Variants in RIMKLA observed in about 807,000 individuals in gnomAD.
RIMKLA encodes the protein N-acetylaspartylglutamate synthase A.
In RIMKLA, 14 loss-of-function variants were observed where a neutral mutation model predicts 32.7. That is an observed-to-expected ratio of 0.43 (90% CI 0.28 to 0.67). RIMKLA has a LOEUF of 0.67. RIMKLA is among the 30% of genes least tolerant of loss of function. The pLI is 0.18. For missense variants in RIMKLA, 410 were observed against 519.0 expected, an observed-to-expected ratio of 0.79 and a Z score of 2.04; for synonymous variants, 176 against 204.1, an observed-to-expected ratio of 0.86 and a Z score of 1.18.
At chr1:42,404,421 T>C in intron 2 of RIMKLA, 90 bp from the exon 3 acceptor site, 1 of 833,064 alleles carries the variant, frequency 1.2e-6, no homozygotes, top group South Asian at 1.4e-5. Flanking sequence ...AGATGAGGCC[T>C]CACAAGAATT....
intron 4 of RIMKLA, chr1:42,412,754 A>G: frequency 2.8e-6 from 1 of 356,176 alleles, no homozygotes; most frequent in Non-Finnish European, 5.4e-6. Context: ...GGCTTTGGTG[A>G]TGCTCTTGAG....
In RIMKLA at chr1:42,415,712, G is replaced by A. The variant is rs561925359; in HGVS notation, c.*738G>A. 1.3e-5 allele frequency: 2 copies of A among 152,352 alleles called. No homozygotes were observed. The highest frequency in any genetic ancestry group is 3.9e-4 in the East Asian group (2 of 5,188). The allele number at this position is 152,352 out of a possible 1,614,324, so 9.4% of individuals were successfully genotyped here. A position where few individuals can be genotyped will look rare whatever the true frequency, so the allele number is the denominator to read the frequency against. On this transcript the variant is annotated 3_prime_UTR_variant, in exon 5 of 5. Transcript: ENST00000431473. ...TGCACCTTTGCTGCCTTTGGCCTCA[G>A]CTGGAAATGCACTTCAATGAGCTAG...
intron 4 of RIMKLA, among the ~76,000 whole-genome samples, chr1:42,411,457 T>C (rs935668400): frequency 2.4e-4 from 34 of 140,630 alleles, no homozygotes; most frequent in Admixed American, 7.2e-5. Flanking sequence ...ATTTTCTTTT[T>C]TTTTCTTTTC....
chr1:42,404,252 C>G (rs1643125379), intron 2 of RIMKLA, among the ~76,000 whole-genome samples: 1 of 152,180 alleles, frequency 6.6e-6, no homozygotes, highest in African/African-American at 2.4e-5. Context: ...GGAAAGGTAT[C>G]TACCTATATG....
intron 1 of RIMKLA, chr1:42,396,485 G>A (rs958572499): frequency 2.6e-5 from 4 of 152,180 alleles, no homozygotes; most frequent in African/African-American, 9.7e-5. Flanking sequence ...CTTTGGAGAA[G>A]AGAGATGAAG....
At chr1:42,399,688 T>A in intron 2 of RIMKLA, 54 bp downstream of exon 2, 1 of 1,086,630 alleles carries the variant, frequency 9.2e-7, no homozygotes, top group South Asian at 1.4e-5. Flanking sequence ...TTTTCTTTCC[T>A]TAGAAACCTT....
rs1557749905 is a variant in RIMKLA, at chr1:42,385,842, T to TCTC, written c.163+4745_163+4746insCTC. On this transcript the variant is annotated intron_variant, in intron 1 of 4. Coordinates refer to ENST00000431473, the MANE Select transcript of RIMKLA (RefSeq NM_173642.4). The stretch of plus-strand genomic sequence containing the variant: ...TTCCTTCCTTCCTTTCTTTCTTTCT[T>TCTC]TCTCTTTCTTTCTTTCTTTCTTTCT... Among the ~76,000 whole-genome samples the TCTC allele has an allele frequency of 3.5e-3, 223 of 63,604 alleles. 30 individuals carry two copies. The highest frequency in any genetic ancestry group is 0.022 in the Middle Eastern group (2 of 90). 41.7% of individuals were successfully genotyped at this position (63,604 alleles called of 152,430 possible). A position where few individuals can be genotyped will look rare whatever the true frequency, so the allele number is the denominator to read the frequency against.
chr1:42,380,842 C>T lies in RIMKLA; in HGVS notation c.-93C>T, dbSNP rs551219895. ...GAGCGGAGCCGTGGCGCGCTCGCCC[C>T]GGACGCCGGCCGCCCCTCCGCTCGC... On this transcript the variant is annotated 5_prime_UTR_variant, in exon 1 of 5. Transcript: ENST00000431473. The T allele has an allele frequency of 2.1e-5, 17 of 810,178 alleles. No individual in the cohort carries two copies. The South Asian group carries it at 8.7e-4, about 41-fold the overall frequency. The allele number at this position is 810,178 out of a possible 1,614,324, so 50.2% of individuals were successfully genotyped here. A position where few individuals can be genotyped will look rare whatever the true frequency, so the allele number is the denominator to read the frequency against.
At chr1:42,413,056 C>T (rs1024510738) in intron 4 of RIMKLA, among the ~76,000 whole-genome samples, 6 of 151,896 alleles carry the variant, frequency 4.0e-5, no homozygotes, top group Non-Finnish European at 7.4e-5. Flanking sequence ...ATCGCTTGAA[C>T]CCGGGAGGCG....
intron 4 of RIMKLA, among the ~76,000 whole-genome samples, chr1:42,411,642 TTTTTATTATTTA>T (rs1389143823): frequency 1.2e-3 from 171 of 140,956 alleles, no homozygotes; most frequent in African/African-American, 4.5e-3. Flanking sequence ...TGTATTTTTA[TTTTTATTATTTA>T]TTTATTTATT....
chr1:42,384,498 T>C (rs971922365), intron 1 of RIMKLA, among the ~76,000 whole-genome samples: 4 of 149,818 alleles, frequency 2.7e-5, no homozygotes, highest in Non-Finnish European at 4.4e-5. Flanking sequence ...TATATATATA[T>C]ACATGTATAT....
intron 1 of RIMKLA, among the ~76,000 whole-genome samples, chr1:42,398,569 T>C (rs12568160): frequency 0.18 from 27,675 of 152,204 alleles, 2,626 homozygotes; most frequent in East Asian, 0.22. Flanking sequence ...CTGTTCCCAA[T>C]TTGTATCTGT....
At chr1:42,385,075 CTATT>C (rs1394962558) in intron 1 of RIMKLA, among the ~76,000 whole-genome samples, 1 of 152,182 alleles carries the variant, frequency 6.6e-6, no homozygotes, top group Non-Finnish European at 1.5e-5. Flanking sequence ...CTATAATTGT[CTATT>C]TATACAGTTT....
chr1:42,405,305 G>A (rs1643134076), intron 3 of RIMKLA, among the ~76,000 whole-genome samples: 1 of 152,146 alleles, frequency 6.6e-6, no homozygotes, highest in South Asian at 2.1e-4. Flanking sequence ...GCTATACTTT[G>A]TAACAGTTAC....
intron 1 of RIMKLA, among the ~76,000 whole-genome samples, chr1:42,396,960 G>T (rs1344114541): frequency 6.6e-6 from 1 of 151,800 alleles, no homozygotes; most frequent in Non-Finnish European, 1.5e-5. Flanking sequence ...TTTACCTTTC[G>T]CATTATTTCC....
intron 1 of RIMKLA, among the ~76,000 whole-genome samples, chr1:42,396,763 GTCT>G (rs111831793): frequency 0.18 from 27,554 of 152,062 alleles, 2,580 homozygotes; most frequent in East Asian, 0.22. Flanking sequence ...TTAGTAGAAT[GTCT>G]TCTGTGTAGT....
chr1:42,398,002 T>C (rs887575914), intron 1 of RIMKLA, among the ~76,000 whole-genome samples: 1 of 152,172 alleles, frequency 6.6e-6, no homozygotes, highest in Non-Finnish European at 1.5e-5. Context: ...ATACCATCCT[T>C]GAGTAATGAG....
intron 1 of RIMKLA, 132 bp downstream of exon 1, chr1:42,381,229 C>T (rs1268475060): frequency 6.5e-6 from 4 of 612,282 alleles, no homozygotes; most frequent in African/African-American, 1.9e-5. Context: ...ACTCTAGCTG[C>T]GAGACTTCTT....
In RIMKLA at chr1:42,399,529, C is replaced by T. The variant is rs201880930; in HGVS notation, c.289C>T (p.Arg97Trp). The change falls in exon 2 of 5, where the codon CGG (arginine) becomes TGG (tryptophan). Residue 97 changes from arginine to tryptophan, a missense_variant. Arg to Trp is a moderately radical substitution (Grantham distance 101, BLOSUM62 -3). Transcript: ENST00000431473. ...VLRHLEKLGCRLVNRPQSILN... is the reference protein window; with the variant it reads ...VLRHLEKLGCWLVNRPQSILN... ...GCGACACCTGGAGAAGCTGGGCTGC[C>T]GGTTGGTCAATCGCCCACAGAGCAT... 7.4e-5 allele frequency: 120 copies of T among 1,613,414 alleles called. No individual in the cohort carries two copies. The highest frequency in any genetic ancestry group is 1.7e-5 in the Admixed American group (1 of 59,922).
Sources: allele counts gnomAD v4.1 joint callset (sites outside exome capture counted in the v4.1 genomes callset), GRCh38; gene constraint gnomAD v4.1.1; transcripts MANE v1.5; gene names NCBI Gene and HGNC (gene_info 2026-07-23, HGNC 2026-07-21).